The following ADGRL3 variants were observed in gnomAD, a reference collection of about 807,000 sequenced individuals.
ADGRL3 encodes the protein adhesion G protein-coupled receptor L3.
A neutral mutation model predicts 153.5 loss-of-function variants in ADGRL3; 62 were observed. The observed-to-expected ratio is 0.40, with a 90% CI of 0.33 to 0.50. ADGRL3 has a LOEUF of 0.50. ADGRL3 is among the 20% of genes least tolerant of loss of function. ADGRL3 has a pLI of 0.47. For synonymous variants in ADGRL3, 710 were observed against 672.5 expected, an observed-to-expected ratio of 1.06 and a Z score of -0.86; for missense variants, 1,641 against 1,859.4, an observed-to-expected ratio of 0.88 and a Z score of 2.16.
intron 21 of ADGRL3, among the ~76,000 whole-genome samples, chr4:62,011,688 A>G (rs76177774): frequency 0.024 from 3,659 of 152,230 alleles, 149 homozygotes; most frequent in African/African-American, 0.084. Flanking sequence ...AATTATTTCT[A>G]AGCATGTCTT....
intron 9 of ADGRL3, among the ~76,000 whole-genome samples, chr4:61,878,797 C>T (rs2149462364): frequency 6.6e-6 from 1 of 152,248 alleles, no homozygotes; most frequent in South Asian, 2.1e-4. Context: ...ATTTGGTCTG[C>T]AGAGTCTTAC....
chr4:61,994,890 G>A (rs563486161), intron 19 of ADGRL3, among the ~76,000 whole-genome samples: 7 of 150,030 alleles, frequency 4.7e-5, no homozygotes, highest in South Asian at 4.2e-4. Context: ...ATTCTGTCCC[G>A]TACTTTTTTA....
At chr4:61,714,220 C>CGCACACACACACACACAT (rs907742016) in intron 6 of ADGRL3, among the ~76,000 whole-genome samples, 16 of 150,294 alleles carry the variant, frequency 1.1e-4, no homozygotes, top group Admixed American at 1.1e-3. Context: ...ATGTAAAATA[C>CGCACACACACACACACAT]GCACACACAC....
chr4:61,272,899 T>C (rs1319628953), intron 1 of ADGRL3, among the ~76,000 whole-genome samples: 1 of 152,160 alleles, frequency 6.6e-6, no homozygotes, highest in Non-Finnish European at 1.5e-5. Context: ...TATTGTGTGG[T>C]ATTCTGGAGA....
chr4:61,813,940 A>G, intron 9 of ADGRL3, 51 bp downstream of exon 9: 1 of 1,600,996 alleles, frequency 6.2e-7, no homozygotes, highest in South Asian at 1.1e-5. Context: ...TTCTTTGATG[A>G]AAGCAATGAT....
chr4:61,816,152 A>C (rs1223416861), intron 9 of ADGRL3, among the ~76,000 whole-genome samples: 1 of 152,230 alleles, frequency 6.6e-6, no homozygotes, highest in Non-Finnish European at 1.5e-5. Flanking sequence ...TCAGTTCCTC[A>C]TACAAGATCC....
At chr4:61,695,683 C>CTGTGATAA (rs2095629641) in intron 6 of ADGRL3, among the ~76,000 whole-genome samples, 3 of 152,154 alleles carry the variant, frequency 2.0e-5, no homozygotes, top group Admixed American at 1.3e-4. Flanking sequence ...ACCTGATCAT[C>CTGTGATAA]TCCTCTTTAG....
chr4:61,245,051 G>T (rs945449396), intron 1 of ADGRL3, among the ~76,000 whole-genome samples: 2 of 152,094 alleles, frequency 1.3e-5, no homozygotes, highest in Admixed American at 1.3e-4. Context: ...CTGGTGAGTG[G>T]GTTGGGCAGT....
At chr4:61,933,823 T>C (rs745428192) in intron 13 of ADGRL3, 3 of 152,210 alleles carry the variant, frequency 2.0e-5, no homozygotes, top group Non-Finnish European at 4.4e-5. Context: ...GTGTCAATAA[T>C]GTGAGTCCTG....
chr4:61,611,086 T>C (rs2091282415), intron 5 of ADGRL3, among the ~76,000 whole-genome samples: 1 of 152,160 alleles, frequency 6.6e-6, no homozygotes, highest in Non-Finnish European at 1.5e-5. Flanking sequence ...GCTTAACACA[T>C]AGAAATTTAT....
At chr4:61,253,691 C>CCACATACACACA (rs1553885090) in intron 1 of ADGRL3, among the ~76,000 whole-genome samples, 1 of 140,396 alleles carries the variant, frequency 7.1e-6, no homozygotes, top group East Asian at 2.2e-4. Flanking sequence ...ATGTTCAGTT[C>CCACATACACACA]CACACACACA....
intron 5 of ADGRL3, among the ~76,000 whole-genome samples, chr4:61,594,107 A>G (rs2098980038): frequency 6.6e-6 from 1 of 152,144 alleles, no homozygotes; most frequent in Non-Finnish European, 1.5e-5. Flanking sequence ...GTTCTTCAGC[A>G]TATCAATTGC....
intron 9 of ADGRL3, among the ~76,000 whole-genome samples, chr4:61,859,606 A>G (rs764217291): frequency 6.6e-6 from 1 of 152,220 alleles, no homozygotes; most frequent in African/African-American, 2.4e-5. Flanking sequence ...AAAGCATGAC[A>G]TAGAAACAAC....
intron 8 of ADGRL3, among the ~76,000 whole-genome samples, chr4:61,746,371 C>T (rs891034434): frequency 6.6e-6 from 1 of 152,128 alleles, no homozygotes; most frequent in Non-Finnish European, 1.5e-5. Context: ...TACCCATCTA[C>T]AGAACTCTCC....
intron 5 of ADGRL3, among the ~76,000 whole-genome samples, chr4:61,598,908 G>A (rs932425747): frequency 2.6e-5 from 4 of 152,122 alleles, no homozygotes; most frequent in Non-Finnish European, 5.9e-5. Flanking sequence ...CAGAGCTGAT[G>A]CTCCAACTGG....
chr4:61,789,835 T>C (rs1426018977), intron 8 of ADGRL3, among the ~76,000 whole-genome samples: 3 of 152,052 alleles, frequency 2.0e-5, no homozygotes, highest in Non-Finnish European at 4.4e-5. Flanking sequence ...ACAGAAAAAA[T>C]GTTGAATAAT....
chr4:61,750,193 A>C (rs202235049), intron 8 of ADGRL3, among the ~76,000 whole-genome samples: 12,992 of 150,408 alleles, frequency 0.086, 1,285 homozygotes, highest in African/African-American at 0.23. Context: ...AAAAAAAAAA[A>C]AAAAAAAAAA....
In ADGRL3 at chr4:61,997,413, A is replaced by T. The variant is rs141483897; in HGVS notation, c.3304-761A>T. ...AACCTTCATTTTGCAGATTTTTTGGATTTGGGGATGATTGATAAAGTATTG... is the reference window on the plus strand; with the variant it reads ...AACCTTCATTTTGCAGATTTTTTGGTTTTGGGGATGATTGATAAAGTATTG... On this transcript the variant is annotated intron_variant, in intron 20 of 26. Coordinates refer to ENST00000683033, the MANE Select transcript of ADGRL3 (RefSeq NM_001387552.1). 2.6e-3 allele frequency among the ~76,000 whole-genome samples: 395 copies of T among 151,534 alleles called. 2 individuals are homozygous for T. The Middle Eastern group carries it at 0.034, about 13-fold the overall frequency.
At chr4:61,375,605 A>T (rs2096594064) in intron 1 of ADGRL3, among the ~76,000 whole-genome samples, 1 of 152,140 alleles carries the variant, frequency 6.6e-6, no homozygotes, top group African/African-American at 2.4e-5. Flanking sequence ...GTGCTTAAAT[A>T]ATATATATGT....
Sources: allele counts gnomAD v4.1 joint callset (sites outside exome capture counted in the v4.1 genomes callset), GRCh38; gene constraint gnomAD v4.1.1; transcripts MANE v1.5; gene names NCBI Gene and HGNC (gene_info 2026-07-23, HGNC 2026-07-21).